CDH12: variants seen among roughly 807,000 people sequenced by gnomAD.
CDH12 encodes cadherin-12.
Under a neutral mutation model 74.1 loss-of-function variants are expected in CDH12, and 41 were observed. That is an observed-to-expected ratio of 0.55 (90% CI 0.43 to 0.72). The LOEUF is 0.72. Ranked by LOEUF, CDH12 falls within the 30% of genes least tolerant of loss-of-function variation. The pLI is 0.00. For missense variants in CDH12, 945 were observed against 977.2 expected, an observed-to-expected ratio of 0.97 and a Z score of 0.44; for synonymous variants, 399 against 355.0, an observed-to-expected ratio of 1.12 and a Z score of -1.39.
chr5:22,054,952 C>T (rs139275140), intron 5 of CDH12, among the ~76,000 whole-genome samples: 92 of 152,240 alleles, frequency 6.0e-4, no homozygotes, highest in Middle Eastern at 3.4e-3. Flanking sequence ...GTAGTCATAA[C>T]CTTTAAGGCC....
intron 6 of CDH12, among the ~76,000 whole-genome samples, chr5:21,872,911 A>ATCTATCTATCTATCTG (rs1362065744): frequency 1.2e-4 from 18 of 151,750 alleles, no homozygotes; most frequent in Non-Finnish European, 2.2e-4. Context: ...CTATCTATCT[A>ATCTATCTATCTATCTG]TCTATCTATC....
At chr5:22,666,282 C>CTTTTTT (rs1161509257) in intron 1 of CDH12, among the ~76,000 whole-genome samples, 34 of 83,526 alleles carry the variant, frequency 4.1e-4, no homozygotes, top group Non-Finnish European at 5.3e-4. Flanking sequence ...ATCTCTCTAT[C>CTTTTTT]TTTTTTTTTT....
chr5:22,588,900 CT>C (rs1194137260), intron 1 of CDH12, among the ~76,000 whole-genome samples: 4 of 152,088 alleles, frequency 2.6e-5, no homozygotes, highest in Non-Finnish European at 5.9e-5. Context: ...GTAATTTTTT[CT>C]TTTCTTTGTA....
intron 1 of CDH12, among the ~76,000 whole-genome samples, chr5:22,695,521 A>T (rs953954680): frequency 2.0e-5 from 3 of 152,202 alleles, no homozygotes; most frequent in Non-Finnish European, 4.4e-5. Context: ...TGGGGAAAGG[A>T]TTCCCTATTT....
chr5:22,625,107 C>T (rs1738214003), intron 1 of CDH12, among the ~76,000 whole-genome samples: 1 of 152,120 alleles, frequency 6.6e-6, no homozygotes, highest in East Asian at 1.9e-4. Context: ...GGGAAATGAA[C>T]AATGAGAACA....
chr5:21,826,442 G>A (rs1254895568), intron 8 of CDH12, among the ~76,000 whole-genome samples: 1 of 152,112 alleles, frequency 6.6e-6, no homozygotes, highest in African/African-American at 2.4e-5. Flanking sequence ...ACTCAAATCT[G>A]TTGACACGCT....
chr5:22,500,318 T>G (rs1367166349), intron 2 of CDH12, among the ~76,000 whole-genome samples: 1 of 152,170 alleles, frequency 6.6e-6, no homozygotes, highest in Non-Finnish European at 1.5e-5. Context: ...CTGTCTCTAT[T>G]TCCCTTCCTT....
In CDH12 at chr5:22,145,654, A is replaced by G. The variant is rs190604597; in HGVS notation, c.-186-66792T>C. On this transcript the variant is annotated intron_variant, in intron 4 of 14. Transcript: ENST00000382254. ...GAAGAAAGCAAGGCTAACGGTGAGC[A>G]GTGGCTAAATGAACAAGAGAACATT... 1.3e-3 allele frequency among the ~76,000 whole-genome samples: 201 copies of G among 152,252 alleles called. 3 individuals carry two copies. Among genetic ancestry groups the G allele is most frequent in the Middle Eastern group, 3.4e-3 (1 of 294 alleles).
At chr5:21,934,666 T>C (rs570366308) in intron 6 of CDH12, among the ~76,000 whole-genome samples, 1 of 152,328 alleles carries the variant, frequency 6.6e-6, no homozygotes, top group South Asian at 2.1e-4. Flanking sequence ...TGAGTTTATG[T>C]ATACCATAAG....
At chr5:22,513,373 C>CA (rs34442281) in intron 1 of CDH12, among the ~76,000 whole-genome samples, 254 of 140,022 alleles carry the variant, frequency 1.8e-3, no homozygotes, top group South Asian at 5.0e-3. Flanking sequence ...ACAACAGGTT[C>CA]AAAAAAAAAA....
At chr5:21,763,666 TG>T (rs1561163248) in intron 12 of CDH12, among the ~76,000 whole-genome samples, 1 of 152,218 alleles carries the variant, frequency 6.6e-6, no homozygotes, top group African/African-American at 2.4e-5. Context: ...TTTTGTTTCA[TG>T]ACATAATCTT....
intron 3 of CDH12, among the ~76,000 whole-genome samples, chr5:22,309,344 C>T (rs185323573): frequency 1.6e-4 from 24 of 151,872 alleles, no homozygotes; most frequent in East Asian, 9.7e-4. Flanking sequence ...CACAGAACCA[C>T]ATAAAGAAAA....
chr5:22,602,981 T>C (rs1736921756), intron 1 of CDH12, among the ~76,000 whole-genome samples: 1 of 152,146 alleles, frequency 6.6e-6, no homozygotes, highest in Admixed American at 6.5e-5. Context: ...AGAAGAAACA[T>C]ACACTCAACT....
chr5:22,211,491 T>A (rs1751539217), intron 4 of CDH12, among the ~76,000 whole-genome samples: 1 of 152,084 alleles, frequency 6.6e-6, no homozygotes, highest in Admixed American at 6.6e-5. Flanking sequence ...CTTAATTACA[T>A]AAAAATTTAT....
intron 2 of CDH12, among the ~76,000 whole-genome samples, chr5:22,494,887 C>T (rs901728478): frequency 3.3e-5 from 5 of 152,108 alleles, no homozygotes; most frequent in African/African-American, 9.7e-5. Flanking sequence ...AGTGATACCC[C>T]GGATACATTC....
At chr5:21,975,485 T>C (rs1383331608) in intron 5 of CDH12, 100 bp from the exon 6 acceptor site, 61 of 745,488 alleles carry the variant, frequency 8.2e-5, no homozygotes, top group Non-Finnish European at 2.5e-5. Context: ...TAATTTGCAA[T>C]ACAATTCCTT....
chr5:22,327,260 T>G (rs185354491), intron 3 of CDH12, among the ~76,000 whole-genome samples: 94 of 152,156 alleles, frequency 6.2e-4, no homozygotes, highest in African/African-American at 2.2e-3. Flanking sequence ...AAGAAAGAAT[T>G]TTATTTCTTC....
rs190414499 is a variant in CDH12 at position 22,477,004 on chromosome 5, C to T, written c.-428+28266G>A. Among the ~76,000 whole-genome samples the T allele has an allele frequency of 4.2e-3, 634 of 152,158 alleles. 2 individuals are homozygous for T. Among genetic ancestry groups the T allele is most frequent in the Middle Eastern group, 0.024 (7 of 294 alleles). ...CAAGGCCCATCAATAGGCCTTTTTTCTTGTAACTGGAGAATTATTAGGCTT... is the reference window on the plus strand; with the variant it reads ...CAAGGCCCATCAATAGGCCTTTTTTTTTGTAACTGGAGAATTATTAGGCTT... On this transcript the variant is annotated intron_variant, in intron 2 of 14. Transcript: ENST00000382254.
intron 4 of CDH12, among the ~76,000 whole-genome samples, chr5:22,145,330 C>T (rs1396024456): frequency 1.3e-5 from 2 of 152,058 alleles, no homozygotes; most frequent in Non-Finnish European, 2.9e-5. Flanking sequence ...AGGATTCTAT[C>T]ACATGATACC....
Sources: allele counts gnomAD v4.1 joint callset (sites outside exome capture counted in the v4.1 genomes callset), GRCh38; gene constraint gnomAD v4.1.1; transcripts MANE v1.5; gene names NCBI Gene and HGNC (gene_info 2026-07-23, HGNC 2026-07-21).